FUT9: variants seen among roughly 807,000 people sequenced by gnomAD.
FUT9 encodes fucosyltransferase 9.
In FUT9, 15 loss-of-function variants were observed where a neutral mutation model predicts 29.7. That is an observed-to-expected ratio of 0.51 (90% CI 0.34 to 0.78). The LOEUF is 0.78. Ranked by LOEUF, FUT9 falls within the 30% of genes least tolerant of loss-of-function variation. The probability of loss-of-function intolerance (pLI) is 0.01; values close to 1 mark genes in which losing one functional copy is unlikely to be tolerated. For missense variants in FUT9, 319 were observed against 425.4 expected, an observed-to-expected ratio of 0.75 and a Z score of 2.20; for synonymous variants, 169 against 153.7, an observed-to-expected ratio of 1.10 and a Z score of -0.74.
intron 1 of FUT9, among the ~76,000 whole-genome samples, chr6:96,082,842 A>AT (rs1771260738): frequency 6.6e-6 from 1 of 151,788 alleles, no homozygotes; most frequent in Non-Finnish European, 1.5e-5. Context: ...AATTGTTATC[A>AT]TTTTCTCAAG....
At chr6:96,112,657 T>G (rs1582239610) in intron 1 of FUT9, among the ~76,000 whole-genome samples, 1 of 152,196 alleles carries the variant, frequency 6.6e-6, no homozygotes, top group Non-Finnish European at 1.5e-5. Flanking sequence ...GTTGTTTGTG[T>G]GTGTGCGCAA....
chr6:96,101,341 C>T (rs1230931869), intron 1 of FUT9, among the ~76,000 whole-genome samples: 1 of 152,016 alleles, frequency 6.6e-6, no homozygotes, highest in East Asian at 1.9e-4. Context: ...GAGTTCAAGA[C>T]CAGCCTGGCC....
intron 1 of FUT9, among the ~76,000 whole-genome samples, chr6:96,017,002 C>T (rs544441679): frequency 5.2e-4 from 79 of 152,324 alleles, no homozygotes; most frequent in African/African-American, 1.9e-3. Context: ...TAGCTGAGTA[C>T]AGGAAATACA....
rs536591159 is a variant in FUT9 at position 96,184,144 on chromosome 6, CA to C, written c.-8-19003del. ...TCTCACTGCTTGTTTTTGGTCTGTT[CA>C]GGGTATCTAATTCTTCCTGATTTAA... On this transcript the variant is annotated intron_variant, in intron 2 of 2. Transcript: ENST00000302103. Among the ~76,000 whole-genome samples the C allele has an allele frequency of 4.1e-3, 629 of 152,032 alleles. 2 individuals are homozygous for C. Among genetic ancestry groups the C allele is most frequent in the Non-Finnish European group, 7.5e-3 (511 of 67,948 alleles).
At chr6:96,035,400 T>G (rs1404842845) in intron 1 of FUT9, among the ~76,000 whole-genome samples, 2 of 151,424 alleles carry the variant, frequency 1.3e-5, no homozygotes, top group African/African-American at 2.4e-5. Context: ...TATTTAGACT[T>G]GAATTTCACA....
intron 1 of FUT9, among the ~76,000 whole-genome samples, chr6:96,082,346 G>A (rs2127951174): frequency 6.6e-6 from 1 of 151,666 alleles, no homozygotes; most frequent in Non-Finnish European, 1.5e-5. Context: ...CACATGTAGA[G>A]ATTTACTTTC....
At chr6:96,021,717 T>C (rs1770072610) in intron 1 of FUT9, among the ~76,000 whole-genome samples, 1 of 152,048 alleles carries the variant, frequency 6.6e-6, no homozygotes, top group Non-Finnish European at 1.5e-5. Context: ...ATTAAGTAAT[T>C]TGGGAGAAGT....
chr6:96,059,268 T>C (rs1018142071), intron 1 of FUT9, among the ~76,000 whole-genome samples: 1 of 152,148 alleles, frequency 6.6e-6, no homozygotes, highest in Non-Finnish European at 1.5e-5. Context: ...ATGCTTGCAA[T>C]CCTCCCCTAA....
At chr6:96,044,726 T>G (rs1770528155) in intron 1 of FUT9, among the ~76,000 whole-genome samples, 3 of 152,188 alleles carry the variant, frequency 2.0e-5, no homozygotes, top group Non-Finnish European at 1.5e-5. Context: ...TAAAAATTAT[T>G]TTTTATAAAT....
At chr6:96,069,727 G>A (rs1323532729) in intron 1 of FUT9, among the ~76,000 whole-genome samples, 1 of 151,862 alleles carries the variant, frequency 6.6e-6, no homozygotes, top group Admixed American at 6.6e-5. Context: ...CACCTCCCAG[G>A]TTCAAGCGAT....
At chr6:96,133,967 A>G (rs1334349429) in intron 2 of FUT9, among the ~76,000 whole-genome samples, 1 of 151,784 alleles carries the variant, frequency 6.6e-6, no homozygotes. Context: ...AATTTTTTTA[A>G]TGATTTCAAA....
intron 2 of FUT9, among the ~76,000 whole-genome samples, chr6:96,145,830 A>T (rs1269043772): frequency 6.6e-6 from 1 of 152,072 alleles, no homozygotes; most frequent in Non-Finnish European, 1.5e-5. Context: ...AGGTCTCAGT[A>T]AGGATTTTGA....
At chr6:96,039,639 C>T (rs759418185) in intron 1 of FUT9, among the ~76,000 whole-genome samples, 33 of 152,098 alleles carry the variant, frequency 2.2e-4, no homozygotes, top group Non-Finnish European at 4.1e-4. Context: ...GTCACCGTAT[C>T]ATAAGTAGCC....
At chr6:96,155,299 G>A (rs1400892051) in intron 2 of FUT9, among the ~76,000 whole-genome samples, 2 of 152,132 alleles carry the variant, frequency 1.3e-5, no homozygotes, top group Non-Finnish European at 2.9e-5. Context: ...GGAGGGGAGA[G>A]AGTGTTATGG....
At chr6:96,147,357 T>G (rs1300382493) in intron 2 of FUT9, among the ~76,000 whole-genome samples, 1 of 151,824 alleles carries the variant, frequency 6.6e-6, no homozygotes, top group South Asian at 2.1e-4. Flanking sequence ...TGGAGTAGGG[T>G]GGGGTTTCAC....
intron 2 of FUT9, among the ~76,000 whole-genome samples, chr6:96,170,923 T>A (rs1773101734): frequency 6.6e-6 from 1 of 152,172 alleles, no homozygotes; most frequent in Non-Finnish European, 1.5e-5. Context: ...TCTACACTTT[T>A]GAGGACAACA....
At chr6:96,178,340 C>A (rs1773243154) in intron 2 of FUT9, among the ~76,000 whole-genome samples, 9 of 152,076 alleles carry the variant, frequency 5.9e-5, no homozygotes, top group African/African-American at 2.2e-4. Flanking sequence ...AGGGGAGACA[C>A]TGTATTATGG....
intron 2 of FUT9, among the ~76,000 whole-genome samples, chr6:96,200,063 T>G (rs1234466194): frequency 6.6e-6 from 1 of 152,110 alleles, no homozygotes; most frequent in Admixed American, 6.6e-5. Context: ...TGCCATTAAC[T>G]CTCTGTGTGG....
intron 1 of FUT9, among the ~76,000 whole-genome samples, chr6:96,023,088 C>A (rs181516886): frequency 6.6e-6 from 1 of 151,896 alleles, no homozygotes; most frequent in Admixed American, 6.6e-5. Flanking sequence ...TCAAAAGATG[C>A]TGATATTTTG....
Sources: allele counts gnomAD v4.1 joint callset (sites outside exome capture counted in the v4.1 genomes callset), GRCh38; gene constraint gnomAD v4.1.1; transcripts MANE v1.5; gene names NCBI Gene and HGNC (gene_info 2026-07-23, HGNC 2026-07-21).